The following RBFOX1 variants were observed in gnomAD, a reference collection of about 807,000 sequenced individuals.
RBFOX1 encodes the protein RNA binding protein fox-1 homolog 1.
RBFOX1 carries 8 observed loss-of-function variants against 57.7 expected under a neutral mutation model. That is an observed-to-expected ratio of 0.14 (90% CI 0.08 to 0.25). RBFOX1 has a LOEUF of 0.25. RBFOX1 is among the 10% of genes least tolerant of loss of function. The pLI, the probability that RBFOX1 is intolerant of heterozygous loss-of-function variation, is 1.00. For missense variants in RBFOX1, 611 were observed against 548.5 expected, an observed-to-expected ratio of 1.11 and a Z score of -1.14; for synonymous variants, 326 against 222.4, an observed-to-expected ratio of 1.47 and a Z score of -4.15.
chr16:5,638,092 A>C (rs1056125283), intron 3 of RBFOX1, among the ~76,000 whole-genome samples: 4 of 152,240 alleles, frequency 2.6e-5, no homozygotes, highest in African/African-American at 9.6e-5. Context: ...AATCTTAGAA[A>C]ATATTACAGA....
At chr16:6,766,029 G>A (rs58392280) in intron 3 of RBFOX1, among the ~76,000 whole-genome samples, 2,402 of 152,102 alleles carry the variant, frequency 0.016, 63 homozygotes, top group African/African-American at 0.056. Flanking sequence ...TTAGTACAAC[G>A]TACACTACTC....
At chr16:5,752,193 T>G (rs1168183033) in intron 3 of RBFOX1, among the ~76,000 whole-genome samples, 3 of 152,202 alleles carry the variant, frequency 2.0e-5, no homozygotes, top group Admixed American at 1.3e-4. Context: ...ATACTGCATG[T>G]TCTTACTTAG....
At chr16:5,566,384 A>G (rs1008491765) in intron 2 of RBFOX1, among the ~76,000 whole-genome samples, 7 of 152,102 alleles carry the variant, frequency 4.6e-5, no homozygotes, top group Non-Finnish European at 8.8e-5. Context: ...CACGGTACAT[A>G]GAGAATATTA....
At chr16:5,983,501 G>T (rs1413809515) in intron 4 of RBFOX1, among the ~76,000 whole-genome samples, 1 of 152,172 alleles carries the variant, frequency 6.6e-6, no homozygotes, top group Non-Finnish European at 1.5e-5. Flanking sequence ...GGGGTACGGT[G>T]GGGTAGGCGG....
chr16:6,068,740 C>G (rs1255129587), intron 1 of RBFOX1, among the ~76,000 whole-genome samples: 1 of 152,160 alleles, frequency 6.6e-6, no homozygotes, highest in Non-Finnish European at 1.5e-5. Context: ...GGAATGCACA[C>G]TTACAGGTAG....
chr16:6,560,444 G>T (rs1314083034), intron 2 of RBFOX1, among the ~76,000 whole-genome samples: 1 of 152,164 alleles, frequency 6.6e-6, no homozygotes, highest in African/African-American at 2.4e-5. Context: ...CATGGATTTG[G>T]AAGAGCATTC....
chr16:7,384,135 A>G (rs2097837696), intron 4 of RBFOX1, among the ~76,000 whole-genome samples: 5 of 151,790 alleles, frequency 3.3e-5, no homozygotes, highest in Admixed American at 2.6e-4. Flanking sequence ...TTCTTCTTAT[A>G]TTTACGGGAG....
intron 3 of RBFOX1, among the ~76,000 whole-genome samples, chr16:6,712,083 C>G (rs955468414): frequency 2.0e-5 from 3 of 152,118 alleles, no homozygotes; most frequent in African/African-American, 7.2e-5. Flanking sequence ...TGTTACATTC[C>G]TCTACCTAGA....
intron 4 of RBFOX1, among the ~76,000 whole-genome samples, chr16:5,898,727 C>A (rs951694797): frequency 4.0e-5 from 6 of 151,888 alleles, no homozygotes; most frequent in African/African-American, 1.5e-4. Context: ...CCATTATGCT[C>A]TACTATTTTG....
chr16:5,344,155 T>C (rs1196331076), intron 1 of RBFOX1, among the ~76,000 whole-genome samples: 1 of 152,238 alleles, frequency 6.6e-6, no homozygotes, highest in Admixed American at 6.5e-5. Flanking sequence ...TTACCTTTGG[T>C]ATTTCTGTGG....
chr16:5,502,376 G>A (rs1352020671), intron 2 of RBFOX1, among the ~76,000 whole-genome samples: 3 of 152,176 alleles, frequency 2.0e-5, no homozygotes, highest in Admixed American at 1.3e-4. Context: ...CACTGTAGGG[G>A]TGGGATGTGG....
At position 6,854,205 on chromosome 16, in the gene RBFOX1, G is replaced by A. The variant is rs117342714; in HGVS notation, c.-15-197852G>A. ...GGTTTCTGGGGTTTAGACAGAGCTT[G>A]CATTCATCTTCACTGAGTTCCATTA... On this transcript the variant is annotated intron_variant, in intron 3 of 15. Coordinates refer to ENST00000550418, the MANE Select transcript of RBFOX1 (RefSeq NM_018723.4). 1.5e-3 allele frequency among the ~76,000 whole-genome samples: 232 copies of A among 152,204 alleles called. 2 individuals are homozygous for A. In the East Asian group the frequency reaches 0.022, roughly 14 times the overall value.
At chr16:5,483,392 G>C (rs1435387014) in intron 2 of RBFOX1, among the ~76,000 whole-genome samples, 2 of 152,204 alleles carry the variant, frequency 1.3e-5, no homozygotes, top group African/African-American at 2.4e-5. Flanking sequence ...CCCAGAGGAA[G>C]TACTGCTTGA....
At chr16:6,514,508 G>T (rs970521591) in intron 2 of RBFOX1, among the ~76,000 whole-genome samples, 2 of 152,168 alleles carry the variant, frequency 1.3e-5, no homozygotes, top group African/African-American at 4.8e-5. Flanking sequence ...TCCATTCACA[G>T]TCTTTTATTT....
intron 4 of RBFOX1, among the ~76,000 whole-genome samples, chr16:5,923,598 G>T (rs2058879577): frequency 7.0e-6 from 1 of 143,538 alleles, no homozygotes; most frequent in African/African-American, 2.6e-5. Flanking sequence ...CTCGAATGCA[G>T]TGGTGCGATC....
intron 1 of RBFOX1, among the ~76,000 whole-genome samples, chr16:6,251,181 G>A (rs1199101400): frequency 6.6e-6 from 1 of 152,132 alleles, no homozygotes; most frequent in Admixed American, 6.5e-5. Flanking sequence ...CACTTATTTG[G>A]CATTTACTAT....
chr16:6,559,888 A>G (rs1424495932), intron 2 of RBFOX1, among the ~76,000 whole-genome samples: 1 of 151,922 alleles, frequency 6.6e-6, no homozygotes, highest in Non-Finnish European at 1.5e-5. Flanking sequence ...GAAAACAAGA[A>G]CCTCTGGTTC....
intron 2 of RBFOX1, among the ~76,000 whole-genome samples, chr16:5,517,087 C>T (rs1022340964): frequency 6.6e-6 from 1 of 151,622 alleles, no homozygotes; most frequent in Non-Finnish European, 1.5e-5. Flanking sequence ...TAGAAGACCT[C>T]CAGTGGTTGG....
chr16:6,807,926 A>ATATATATATATG, intron 3 of RBFOX1, among the ~76,000 whole-genome samples: 1 of 150,458 alleles, frequency 6.6e-6, no homozygotes, highest in African/African-American at 2.4e-5. Flanking sequence ...ATATATATAT[A>ATATATATATATG]GGGTATAATA....
Sources: allele counts gnomAD v4.1 joint callset (sites outside exome capture counted in the v4.1 genomes callset), GRCh38; gene constraint gnomAD v4.1.1; transcripts MANE v1.5; gene names NCBI Gene and HGNC (gene_info 2026-07-23, HGNC 2026-07-21).